GLIPR1L1: variants seen among roughly 807,000 people sequenced by gnomAD.
The protein encoded by GLIPR1L1 is GLIPR1 like 1.
A neutral mutation model predicts 29.9 loss-of-function variants in GLIPR1L1; 26 were observed. That is an observed-to-expected ratio of 0.87 (90% CI 0.64 to 1.21). The LOEUF (loss-of-function observed/expected upper bound fraction) is 1.21, where lower values mean the gene tolerates loss of function less well. Ranked by LOEUF, GLIPR1L1 falls within the 50% of genes most tolerant of loss-of-function variation. The pLI is 0.00. For missense variants in GLIPR1L1, 305 were observed against 290.3 expected, an observed-to-expected ratio of 1.05 and a Z score of -0.37; for synonymous variants, 77 against 97.5, an observed-to-expected ratio of 0.79 and a Z score of 1.24.
At chr12:75,337,583 A>G (rs1236890921) in intron 1 of GLIPR1L1, among the ~76,000 whole-genome samples, 1 of 152,000 alleles carries the variant, frequency 6.6e-6, no homozygotes, top group Admixed American at 6.5e-5. Context: ...TTACTAGTGA[A>G]TAAGTGCATA....
chr12:75,348,505 G>T (rs1161644129), intron 3 of GLIPR1L1, among the ~76,000 whole-genome samples: 1 of 152,140 alleles, frequency 6.6e-6, no homozygotes, highest in Non-Finnish European at 1.5e-5. Flanking sequence ...TATAGATTCA[G>T]AGAAATTATA....
At chr12:75,366,696 G>A in intron 4 of GLIPR1L1, 2 of 482,406 alleles carry the variant, frequency 4.1e-6, no homozygotes, top group Non-Finnish European at 7.4e-6. Context: ...GGGTTTTTTT[G>A]TGTTGCAGAT....
chr12:75,370,460 G>A lies in GLIPR1L1; in HGVS notation c.*284G>A, dbSNP rs922258118. 1.3e-5 allele frequency: 3 copies of A among 227,890 alleles called. No homozygotes were observed. The South Asian group carries it at 3.2e-4, about 25-fold the overall frequency. 14.1% of individuals were successfully genotyped at this position (227,890 alleles called of 1,614,324 possible). A position where few individuals can be genotyped will look rare whatever the true frequency, so the allele number is the denominator to read the frequency against. ...AGAATGGATTATCATTTTAGTTATAGTACATTTAGAGAACTAAAGACTTTT... is the reference window on the plus strand; with the variant it reads ...AGAATGGATTATCATTTTAGTTATAATACATTTAGAGAACTAAAGACTTTT... On this transcript the variant is annotated 3_prime_UTR_variant, in exon 6 of 6. Coordinates refer to ENST00000378695, the MANE Select transcript of GLIPR1L1 (RefSeq NM_001304964.2).
intron 1 of GLIPR1L1, among the ~76,000 whole-genome samples, chr12:75,335,600 C>G (rs2041677731): frequency 6.6e-6 from 1 of 152,078 alleles, no homozygotes; most frequent in Non-Finnish European, 1.5e-5. Flanking sequence ...TCTATTCCAG[C>G]TTTCTTCTTT....
chr12:75,358,866 A>G (rs2043345607), intron 3 of GLIPR1L1, among the ~76,000 whole-genome samples: 1 of 144,486 alleles, frequency 6.9e-6, no homozygotes, highest in Non-Finnish European at 1.5e-5. Context: ...TGGTTTAAAC[A>G]TATATAATAT....
intron 4 of GLIPR1L1, chr12:75,369,727 C>A (rs1342884368): frequency 1.0e-6 from 1 of 984,898 alleles, no homozygotes; most frequent in Non-Finnish European, 1.2e-6. Context: ...GACTTTTGTG[C>A]CTTCAACACT....
chr12:75,357,621 T>C (rs1174578426), intron 3 of GLIPR1L1, among the ~76,000 whole-genome samples: 1 of 152,090 alleles, frequency 6.6e-6, no homozygotes, highest in Non-Finnish European at 1.5e-5. Flanking sequence ...AAAACAGATC[T>C]TGATACATTT....
intron 3 of GLIPR1L1, chr12:75,360,834 C>CT (rs2043533113): frequency 6.6e-6 from 1 of 152,202 alleles, no homozygotes; most frequent in African/African-American, 2.4e-5. Flanking sequence ...GCCCCTGTAG[C>CT]AGACTTCTGC....
intron 4 of GLIPR1L1, 22 bp downstream of exon 4, chr12:75,363,212 T>A (rs2043733340): frequency 9.1e-7 from 1 of 1,103,444 alleles, no homozygotes; most frequent in African/African-American, 1.7e-5. Flanking sequence ...TATATATATA[T>A]AATTACATTT....
intron 3 of GLIPR1L1, among the ~76,000 whole-genome samples, chr12:75,351,536 C>T (rs1264052888): frequency 1.3e-5 from 2 of 151,298 alleles, no homozygotes; most frequent in Admixed American, 1.3e-4. Flanking sequence ...ATATTTAACA[C>T]TCTGTTTTGT....
chr12:75,353,987 C>T (rs550333069), intron 3 of GLIPR1L1, among the ~76,000 whole-genome samples: 23 of 152,068 alleles, frequency 1.5e-4, no homozygotes, highest in African/African-American at 5.3e-4. Context: ...ATTGAAGGAG[C>T]ATACATCAAA....
At chr12:75,339,976 C>G (rs2139292222) in intron 1 of GLIPR1L1, among the ~76,000 whole-genome samples, 1 of 152,140 alleles carries the variant, frequency 6.6e-6, no homozygotes, top group African/African-American at 2.4e-5. Context: ...AGCTTAGCTC[C>G]CACTTAGAAG....
chr12:75,354,823 C>CCGCA (rs755203163), intron 3 of GLIPR1L1, among the ~76,000 whole-genome samples: 8 of 152,064 alleles, frequency 5.3e-5, no homozygotes, highest in Non-Finnish European at 1.2e-4. Context: ...AGAAATAAGA[C>CCGCA]CGCACATCTA....
chr12:75,366,824 C>A (rs867733773), intron 4 of GLIPR1L1: 2 of 698,310 alleles, frequency 2.9e-6, no homozygotes, highest in African/African-American at 1.8e-5. Context: ...GCTAAAAATG[C>A]CAAGTGAACA....
chr12:75,363,252 A>C, intron 4 of GLIPR1L1, 62 bp downstream of exon 4: 1 of 786,252 alleles, frequency 1.3e-6, no homozygotes, highest in Non-Finnish European at 1.8e-6. Flanking sequence ...TATTTATTAA[A>C]TTTTAAAATT....
rs1405663342 is a variant in GLIPR1L1 at position 75,334,860 on chromosome 12, G to C, written c.132G>C (p.Trp44Cys). ...IDNCIEAHNE[W>C]RGKVNPPAAD... ...ACTGCATAGAAGCCCACAACGAATG[G>C]CGTGGCAAAGTCAACCCTCCCGCGG... Residue 44 changes from tryptophan to cysteine, a missense_variant, in exon 1 of 6, where the codon TGG (tryptophan) becomes TGC (cysteine). Physicochemically the swap from Trp to Cys is radical, Grantham distance 215 (BLOSUM62 -2). Coordinates refer to ENST00000378695, the MANE Select transcript of GLIPR1L1 (RefSeq NM_001304964.2). 1 of 1,614,090 alleles carries C rather than the reference G, an allele frequency of 6.2e-7. No individual in the cohort carries two copies. Among genetic ancestry groups the C allele is most frequent in the Non-Finnish European group, 8.5e-7 (1 of 1,180,010 alleles).
At chr12:75,353,295 A>T (rs2042934145) in intron 3 of GLIPR1L1, among the ~76,000 whole-genome samples, 1 of 152,204 alleles carries the variant, frequency 6.6e-6, no homozygotes, top group African/African-American at 2.4e-5. Context: ...TAGACACAAT[A>T]AAAAATGATA....
At chr12:75,337,665 G>T (rs1379550838) in intron 1 of GLIPR1L1, among the ~76,000 whole-genome samples, 1 of 151,622 alleles carries the variant, frequency 6.6e-6, no homozygotes, top group Non-Finnish European at 1.5e-5. Flanking sequence ...CCTCAAGATT[G>T]GAATTTTTAT....
At chr12:75,355,570 T>C (rs1284510254) in intron 3 of GLIPR1L1, among the ~76,000 whole-genome samples, 4 of 152,160 alleles carry the variant, frequency 2.6e-5, no homozygotes, top group African/African-American at 9.7e-5. Context: ...GACACTATGG[T>C]AATTCCTCAA....
Sources: allele counts gnomAD v4.1 joint callset (sites outside exome capture counted in the v4.1 genomes callset), GRCh38; gene constraint gnomAD v4.1.1; transcripts MANE v1.5; gene names NCBI Gene and HGNC (gene_info 2026-07-23, HGNC 2026-07-21).